IL1RAPL2: variants seen among roughly 807,000 people sequenced by gnomAD.
The protein encoded by IL1RAPL2 is interleukin 1 receptor accessory protein like 2.
In IL1RAPL2, 3 loss-of-function variants were observed where a neutral mutation model predicts 44.1. The observed-to-expected ratio is 0.07, with a 90% confidence interval of 0.03 to 0.18. The LOEUF is 0.18. Ranked by LOEUF, IL1RAPL2 falls within the 10% of genes least tolerant of loss-of-function variation. The pLI is 1.00. For missense variants in IL1RAPL2, 391 were observed against 496.4 expected (o/e 0.79, Z 2.02); for synonymous variants, 181 against 178.8 (o/e 1.01, Z -0.10).
chrX:105,260,352 G>T lies in IL1RAPL2; in HGVS notation c.544-7036G>T, dbSNP rs1010518017. Among the ~76,000 whole-genome samples, 5 of 111,762 alleles carry T rather than the reference G, an allele frequency of 4.5e-5. No homozygotes were observed. In the South Asian group the frequency reaches 1.9e-3, roughly 42 times the overall value. On this transcript the variant is annotated intron_variant, in intron 4 of 10. Coordinates refer to ENST00000372582, the MANE Select transcript of IL1RAPL2 (RefSeq NM_017416.2). ...CAGAGAACACCAACAGGGGTGGCTG[G>T]AGGCCCAGTTTGGGAGGTCCCGCCC...
At chrX:104,918,262 T>G (rs1924523691) in intron 2 of IL1RAPL2, among the ~76,000 whole-genome samples, 1 of 111,510 alleles carries the variant, frequency 9.0e-6, no homozygotes, top group Non-Finnish European at 1.9e-5. Flanking sequence ...GGTTTCCTAC[T>G]ATAGTAACCT....
intron 2 of IL1RAPL2, among the ~76,000 whole-genome samples, chrX:104,683,926 C>G (rs761979695): frequency 1.7e-4 from 19 of 112,048 alleles, no homozygotes; most frequent in African/African-American, 5.2e-4. Flanking sequence ...TTTTCCTTCC[C>G]TAGACCTGGA....
intron 1 of IL1RAPL2, among the ~76,000 whole-genome samples, chrX:104,624,385 A>T (rs1178063735): frequency 9.0e-6 from 1 of 111,624 alleles, no homozygotes; most frequent in Non-Finnish European, 1.9e-5. Flanking sequence ...CCTGAATGAA[A>T]ACTTGGACAA....
At chrX:105,686,986 C>A (rs973150149) in intron 6 of IL1RAPL2, among the ~76,000 whole-genome samples, 3 of 111,547 alleles carry the variant, frequency 2.7e-5, no homozygotes, top group Non-Finnish European at 5.6e-5. Flanking sequence ...GGGAAAATAA[C>A]AAAATGAAGG....
At chrX:105,564,975 T>C (rs183674806) in intron 6 of IL1RAPL2, among the ~76,000 whole-genome samples, 1 of 112,651 alleles carries the variant, frequency 8.9e-6, no homozygotes, top group African/African-American at 3.2e-5. Context: ...GGTGGCTCCC[T>C]GCAAAGGGAA....
intron 6 of IL1RAPL2, among the ~76,000 whole-genome samples, chrX:105,672,173 G>A (rs1379457650): frequency 9.0e-6 from 1 of 110,679 alleles, no homozygotes; most frequent in Non-Finnish European, 1.9e-5. Context: ...CGTTATCTTT[G>A]TTCATTTTTT....
intron 5 of IL1RAPL2, among the ~76,000 whole-genome samples, chrX:105,324,808 G>A (rs2034923501): frequency 9.0e-6 from 1 of 111,611 alleles, no homozygotes; most frequent in Non-Finnish European, 1.9e-5. Flanking sequence ...GTATAGGTAC[G>A]TAAAATGTCT....
chrX:104,619,400 C>A (rs371888099), intron 1 of IL1RAPL2, among the ~76,000 whole-genome samples: 33 of 111,992 alleles, frequency 2.9e-4, no homozygotes, highest in Non-Finnish European at 7.5e-5. Context: ...GTCTTGGTTG[C>A]TCAGATTCCC....
chrX:104,817,930 G>C (rs749413372), intron 2 of IL1RAPL2, among the ~76,000 whole-genome samples: 299 of 111,130 alleles, frequency 2.7e-3, no homozygotes, highest in South Asian at 0.011. Flanking sequence ...TGAGCAACTG[G>C]TCCTGTGGTA....
At chrX:104,990,347 A>G (rs2030638898) in intron 2 of IL1RAPL2, among the ~76,000 whole-genome samples, 1 of 112,120 alleles carries the variant, frequency 8.9e-6, no homozygotes, top group Admixed American at 9.5e-5. Flanking sequence ...TATCATGCAA[A>G]TAAAACTCCG....
chrX:105,588,853 G>A (rs755632307), intron 6 of IL1RAPL2, among the ~76,000 whole-genome samples: 1 of 111,732 alleles, frequency 8.9e-6, no homozygotes, highest in East Asian at 2.8e-4. Context: ...ATGAACATGC[G>A]TACATGTGTC....
At chrX:104,760,586 G>A (rs1271974101) in intron 2 of IL1RAPL2, among the ~76,000 whole-genome samples, 1 of 111,836 alleles carries the variant, frequency 8.9e-6, no homozygotes, top group Non-Finnish European at 1.9e-5. Context: ...GTCTTCTTTT[G>A]AGAAATGTCT....
At chrX:105,293,136 G>T (rs867384891) in intron 5 of IL1RAPL2, among the ~76,000 whole-genome samples, 2 of 85,295 alleles carry the variant, frequency 2.3e-5, no homozygotes, top group Admixed American at 2.4e-4. Flanking sequence ...AAAAAAAAAA[G>T]AGTGAAAGCA....
intron 2 of IL1RAPL2, among the ~76,000 whole-genome samples, chrX:104,710,050 T>C (rs1413175401): frequency 9.0e-6 from 1 of 111,327 alleles, no homozygotes; most frequent in African/African-American, 3.3e-5. Context: ...TGTTAATTGG[T>C]TCAGTTACTG....
chrX:104,949,226 C>G (rs1439715586), intron 2 of IL1RAPL2, among the ~76,000 whole-genome samples: 2 of 109,202 alleles, frequency 1.8e-5, no homozygotes, highest in Non-Finnish European at 3.8e-5. Context: ...GTAGTATTCT[C>G]TGATGGTAGT....
At chrX:104,956,461 A>T (rs868533197) in intron 2 of IL1RAPL2, among the ~76,000 whole-genome samples, 1 of 84,087 alleles carries the variant, frequency 1.2e-5, no homozygotes, top group Non-Finnish European at 2.2e-5. Context: ...GTCTCTACTA[A>T]GTGTGTGTGT....
intron 2 of IL1RAPL2, among the ~76,000 whole-genome samples, chrX:104,733,619 A>AAAT (rs3081204): frequency 0.059 from 5,853 of 98,817 alleles, 471 homozygotes; most frequent in African/African-American, 0.2. Context: ...CTCTGTCTCA[A>AAAT]AATAATAATA....
intron 2 of IL1RAPL2, among the ~76,000 whole-genome samples, chrX:104,717,067 T>C (rs1315439534): frequency 8.9e-6 from 1 of 111,995 alleles, no homozygotes; most frequent in Admixed American, 9.5e-5. Flanking sequence ...GTGGTACATA[T>C]GCCATGGAAT....
intron 6 of IL1RAPL2, among the ~76,000 whole-genome samples, chrX:105,640,674 A>ATATT: frequency 1.1e-5 from 1 of 93,647 alleles, no homozygotes; most frequent in East Asian, 3.3e-4. Context: ...ATATATATAT[A>ATATT]TATATATATA....
Sources: allele counts gnomAD v4.1 joint callset (sites outside exome capture counted in the v4.1 genomes callset), GRCh38; gene constraint gnomAD v4.1.1; transcripts MANE v1.5; gene names NCBI Gene and HGNC (gene_info 2026-07-23, HGNC 2026-07-21).